The following SETD2 variants were observed in gnomAD, a reference collection of about 807,000 sequenced individuals.
SETD2 encodes histone-lysine N-methyltransferase SETD2.
A neutral mutation model predicts 242.1 loss-of-function variants in SETD2; 31 were observed. The ratio of observed to expected loss-of-function variants is 0.13; its 90% CI spans 0.10 to 0.17. SETD2 has a LOEUF of 0.17. SETD2 is among the 10% of genes least tolerant of loss of function. The pLI is 1.00. For synonymous variants in SETD2, 1,006 were observed against 1,066.5 expected (o/e 0.94, Z 1.11); for missense variants, 2,481 against 3,046.3 (o/e 0.81, Z 4.37).
intron 11 of SETD2, among the ~76,000 whole-genome samples, chr3:47,085,911 T>C (rs2041535485): frequency 6.6e-6 from 1 of 152,186 alleles, no homozygotes; most frequent in Non-Finnish European, 1.5e-5. Context: ...AACTGGATCT[T>C]TCACTTAACT....
chr3:47,067,478 G>A (rs2040611140), intron 12 of SETD2, among the ~76,000 whole-genome samples: 2 of 134,262 alleles, frequency 1.5e-5, no homozygotes, highest in South Asian at 2.4e-4. Context: ...GCAGTGGCAT[G>A]ATCTCGGCTC....
chr3:47,041,743 T>C (rs1041624358), intron 17 of SETD2, among the ~76,000 whole-genome samples: 10 of 152,132 alleles, frequency 6.6e-5, no homozygotes, highest in Non-Finnish European at 1.2e-4. Context: ...TATCTCTGAG[T>C]AGTGGCAGTT....
intron 9 of SETD2, among the ~76,000 whole-genome samples, chr3:47,089,211 T>C (rs2041693628): frequency 6.6e-6 from 1 of 152,266 alleles, no homozygotes; most frequent in East Asian, 1.9e-4. Context: ...TTTGAAAGGC[T>C]GAGGCAGGAA....
At chr3:47,049,173 T>G (rs1280784756) in intron 15 of SETD2, among the ~76,000 whole-genome samples, 1 of 151,398 alleles carries the variant, frequency 6.6e-6, no homozygotes, top group Non-Finnish European at 1.5e-5. Context: ...TGAACTCTTG[T>G]GTTTGAGTGA....
At chr3:47,024,310 A>C (rs1334910149) in intron 18 of SETD2, among the ~76,000 whole-genome samples, 1 of 151,942 alleles carries the variant, frequency 6.6e-6, no homozygotes, top group Non-Finnish European at 1.5e-5. Context: ...GTCTCTACTA[A>C]AAATACGAAA....
At chr3:47,045,331 AAC>A (rs376595107) in intron 16 of SETD2, among the ~76,000 whole-genome samples, 1 of 152,026 alleles carries the variant, frequency 6.6e-6, no homozygotes, top group African/African-American at 2.4e-5. Flanking sequence ...CATCGTGGCT[AAC>A]ACAGCGAAAC....
chr3:47,131,841 G>A (rs1367850439), intron 1 of SETD2, among the ~76,000 whole-genome samples: 5 of 150,242 alleles, frequency 3.3e-5, no homozygotes, highest in Non-Finnish European at 7.4e-5. Flanking sequence ...ACAGAGGCGT[G>A]ACCTCAGCTC....
intron 1 of SETD2, among the ~76,000 whole-genome samples, chr3:47,153,251 T>C (rs1009936926): frequency 1.3e-5 from 2 of 152,146 alleles, no homozygotes; most frequent in African/African-American, 4.8e-5. Context: ...GAGACTCAAA[T>C]ACAACATTTT....
At chr3:47,127,679 T>C (rs1380375660) in intron 1 of SETD2, 3 of 308,040 alleles carry the variant, frequency 9.7e-6, no homozygotes, top group Non-Finnish European at 1.9e-5. Flanking sequence ...CTGGCCAACA[T>C]GGTGAAACCC....
chr3:47,061,905 T>C (rs981663697), intron 14 of SETD2, among the ~76,000 whole-genome samples: 11 of 152,194 alleles, frequency 7.2e-5, no homozygotes, highest in African/African-American at 2.2e-4. Context: ...GAACAAATCT[T>C]TGGCTCCCAA....
rs917030044 is a variant in SETD2, at chr3:47,016,864, C to A, written c.*229G>T. On this transcript the variant is annotated 3_prime_UTR_variant, in exon 21 of 21. Coordinates refer to ENST00000409792, the MANE Select transcript of SETD2 (RefSeq NM_014159.7). ...GGCCAGGGTCTTTTCTAAGCCCTTG[C>A]ACCTCTGATGGCTTCTAACCACATG... 9.6e-6 allele frequency: 5 copies of A among 519,296 alleles called. No homozygotes were observed. The highest frequency in any genetic ancestry group is 3.0e-5 in the East Asian group (1 of 33,460). 32.2% of individuals were successfully genotyped at this position (519,296 alleles called of 1,614,324 possible). A position where few individuals can be genotyped will look rare whatever the true frequency, so the allele number is the denominator to read the frequency against.
chr3:47,055,120 C>T (rs2040000228), intron 15 of SETD2, among the ~76,000 whole-genome samples: 1 of 152,040 alleles, frequency 6.6e-6, no homozygotes, highest in African/African-American at 2.4e-5. Flanking sequence ...ATACATAAAA[C>T]TTGCTTTAAA....
chr3:47,055,867 G>T (rs1039680945), intron 15 of SETD2, among the ~76,000 whole-genome samples: 5 of 151,044 alleles, frequency 3.3e-5, no homozygotes, highest in Admixed American at 6.6e-5. Context: ...AAAAAAATTA[G>T]CCAGGCGTGG....
chr3:47,056,867 T>C lies in SETD2; in HGVS notation c.6917A>G (p.Tyr2306Cys), dbSNP rs773305513. ...CTGTGAATAAGGTGATGTCACACCA[T>C]AGACTGTTGGACATGTCTGTCCTTG... ...YYQGQTCPTV[Y>C]GVTSPYSQTT... Residue 2306 changes from tyrosine to cysteine, a missense_variant, in exon 15 of 21, where the codon TAT (tyrosine) becomes TGT (cysteine). Coordinates refer to ENST00000409792, the MANE Select transcript of SETD2 (RefSeq NM_014159.7). 15 of 1,614,078 alleles carry C rather than the reference T, an allele frequency of 9.3e-6. No individual in the cohort carries two copies. The highest frequency in any genetic ancestry group is 2.2e-5 in the East Asian group (1 of 44,886).
intron 1 of SETD2, among the ~76,000 whole-genome samples, chr3:47,146,015 CAA>C (rs1171574770): frequency 7.8e-5 from 3 of 38,690 alleles, no homozygotes; most frequent in Admixed American, 4.1e-4. Flanking sequence ...GACCCTGTCT[CAA>C]AAAAAAAAAA....
At chr3:47,113,823 A>AGT in intron 5 of SETD2, 53 bp downstream of exon 5, 2 of 1,570,186 alleles carry the variant, frequency 1.3e-6, no homozygotes, top group Non-Finnish European at 1.7e-6. Context: ...TGGGTGAAAG[A>AGT]GTGAGACCTT....
intron 13 of SETD2, among the ~76,000 whole-genome samples, chr3:47,062,925 C>G (rs973073990): frequency 6.6e-6 from 1 of 151,608 alleles, no homozygotes; most frequent in Non-Finnish European, 1.5e-5. Context: ...CCTGGGCAAA[C>G]GAAGCAAGAC....
chr3:47,033,513 A>G (rs912740990), intron 18 of SETD2, among the ~76,000 whole-genome samples: 1 of 152,182 alleles, frequency 6.6e-6, no homozygotes, highest in African/African-American at 2.4e-5. Context: ...GTATCTCCTA[A>G]GAACTGAGGG....
chr3:47,053,466 G>A (rs1298405602), intron 15 of SETD2, among the ~76,000 whole-genome samples: 2 of 152,130 alleles, frequency 1.3e-5, no homozygotes, highest in Non-Finnish European at 2.9e-5. Flanking sequence ...CTTTGTGAGA[G>A]TAAGTCACTT....
Sources: allele counts gnomAD v4.1 joint callset (sites outside exome capture counted in the v4.1 genomes callset), GRCh38; gene constraint gnomAD v4.1.1; transcripts MANE v1.5; gene names NCBI Gene and HGNC (gene_info 2026-07-23, HGNC 2026-07-21).